Variants in DGKH observed in about 807,000 individuals in gnomAD.
DGKH encodes DAG kinase eta.
In DGKH, 90 loss-of-function variants were observed where a neutral mutation model predicts 159.3. The ratio of observed to expected loss-of-function variants is 0.57; its 90% CI spans 0.48 to 0.67. DGKH has a LOEUF of 0.67. Among genes scored for constraint, DGKH ranks in the 30% least tolerant of loss-of-function variants. The pLI is 0.00. For synonymous variants in DGKH, 536 were observed against 553.8 expected, an observed-to-expected ratio of 0.97 and a Z score of 0.45; for missense variants, 1,181 against 1,506.1, an observed-to-expected ratio of 0.78 and a Z score of 3.57.
chr13:42,248,478 TATAATATTATATATATAATTTATAA>T (rs1958597429), intron 29 of DGKH, among the ~76,000 whole-genome samples: 1 of 147,142 alleles, frequency 6.8e-6, no homozygotes, highest in Admixed American at 6.8e-5. Flanking sequence ...ATAATTTATA[TATAATATTATATATATAATTTATAA>T]TTAAATAATA....
chr13:42,208,481 A>C (rs1957560402), intron 21 of DGKH, among the ~76,000 whole-genome samples: 1 of 152,162 alleles, frequency 6.6e-6, no homozygotes, highest in African/African-American at 2.4e-5. Context: ...AAACCTTGAA[A>C]GATTTCCCTT....
intron 1 of DGKH, among the ~76,000 whole-genome samples, chr13:42,094,319 C>CTGA (rs1448614142): frequency 1.5e-4 from 23 of 152,176 alleles, no homozygotes; most frequent in Admixed American, 1.2e-3. Context: ...TTGATCAACT[C>CTGA]TGATGATACT....
chr13:42,255,204 T>C (rs950191703), intron 30 of DGKH, among the ~76,000 whole-genome samples: 3 of 151,860 alleles, frequency 2.0e-5, no homozygotes, highest in Non-Finnish European at 2.9e-5. Context: ...GCTATTAATC[T>C]TTTGTACATT....
At chr13:42,196,308 C>A (rs565855329) in intron 17 of DGKH, among the ~76,000 whole-genome samples, 1 of 152,228 alleles carries the variant, frequency 6.6e-6, no homozygotes, top group East Asian at 1.9e-4. Flanking sequence ...GGTATACACC[C>A]AAGAGAATTG....
At chr13:42,142,735 C>T (rs868021117) in intron 3 of DGKH, among the ~76,000 whole-genome samples, 24 of 152,184 alleles carry the variant, frequency 1.6e-4, no homozygotes, top group Admixed American at 5.9e-4. Context: ...GTGATTTTTG[C>T]ACATTGATTT....
At chr13:42,225,445 T>C in intron 29 of DGKH, 1 of 1,043,530 alleles carries the variant, frequency 9.6e-7, no homozygotes, top group Non-Finnish European at 1.3e-6. Flanking sequence ...TGTCAAAATT[T>C]GGACTGTTTA....
At chr13:42,053,460 A>T (rs1881484954) in intron 1 of DGKH, among the ~76,000 whole-genome samples, 1 of 147,126 alleles carries the variant, frequency 6.8e-6, no homozygotes, top group South Asian at 2.1e-4. Context: ...ATATATAACT[A>T]TATATAACTA....
intron 1 of DGKH, among the ~76,000 whole-genome samples, chr13:42,123,279 G>A (rs1418550012): frequency 1.3e-5 from 2 of 151,802 alleles, no homozygotes; most frequent in African/African-American, 4.8e-5. Flanking sequence ...AATTATACCT[G>A]TTCATATTTT....
At chr13:42,149,343 A>G (rs1350659567) in intron 3 of DGKH, among the ~76,000 whole-genome samples, 2 of 152,214 alleles carry the variant, frequency 1.3e-5, no homozygotes, top group Non-Finnish European at 2.9e-5. Flanking sequence ...TGTTGAAAGC[A>G]TAAATACAGT....
intron 5 of DGKH, among the ~76,000 whole-genome samples, chr13:42,156,506 G>C (rs920488792): frequency 6.6e-6 from 1 of 152,032 alleles, no homozygotes; most frequent in African/African-American, 2.4e-5. Context: ...CTCCCAAAGA[G>C]GCATGAGCAA....
chr13:42,163,012 CT>C (rs1410998980), intron 7 of DGKH, among the ~76,000 whole-genome samples: 6 of 145,504 alleles, frequency 4.1e-5, no homozygotes, highest in Non-Finnish European at 9.1e-5. Context: ...TCCCTCCCCC[CT>C]CCCCCAACCC....
rs1479543925 is a variant in DGKH at position 42,207,056 on chromosome 13, TC to T, written c.2601+912del. Among the ~76,000 whole-genome samples the T allele has an allele frequency of 4.7e-3, 259 of 54,686 alleles. 16 individuals carry two copies. The highest frequency in any genetic ancestry group is 7.4e-3 in the Middle Eastern group (1 of 136). 35.9% of individuals were successfully genotyped at this position (54,686 alleles called of 152,430 possible). Reference sequence around the variant, plus strand: ...TTCTTTCTTTCCTTCTTTCCTTCTTTCCTTCCTTCTTTCTTTCTTTCTTTCT... The same window carrying T: ...TTCTTTCTTTCCTTCTTTCCTTCTTTCTTCCTTCTTTCTTTCTTTCTTTCT... On this transcript the variant is annotated intron_variant, in intron 21 of 29. Coordinates refer to ENST00000337343, the MANE Select transcript of DGKH (RefSeq NM_178009.5).
chr13:42,083,014 G>GT (rs1344212558), intron 1 of DGKH, among the ~76,000 whole-genome samples: 5 of 152,112 alleles, frequency 3.3e-5, no homozygotes, highest in African/African-American at 1.2e-4. Flanking sequence ...CTCTCTTCCT[G>GT]TTTTTGGTTT....
intron 1 of DGKH, among the ~76,000 whole-genome samples, chr13:42,041,498 G>C (rs1162097368): frequency 6.6e-6 from 1 of 152,196 alleles, no homozygotes; most frequent in African/African-American, 2.4e-5. Flanking sequence ...CTGGGATTTC[G>C]CTGCACACGC....
intron 29 of DGKH, among the ~76,000 whole-genome samples, chr13:42,224,156 A>G (rs1460403701): frequency 4.6e-5 from 7 of 152,200 alleles, no homozygotes; most frequent in Admixed American, 1.3e-4. Flanking sequence ...GCAGTCATCC[A>G]TTGATGGAAA....
chr13:42,105,699 G>A (rs1170187), intron 1 of DGKH, among the ~76,000 whole-genome samples: 122,845 of 152,134 alleles, frequency 0.81, 50,120 homozygotes, highest in African/African-American at 0.89. Flanking sequence ...CCTACAAACT[G>A]GTAAGCTTTA....
At chr13:42,053,274 G>GT (rs1881455765) in intron 1 of DGKH, among the ~76,000 whole-genome samples, 1 of 150,940 alleles carries the variant, frequency 6.6e-6, no homozygotes, top group South Asian at 2.1e-4. Context: ...GTATACCTAT[G>GT]TAACAAACCT....
intron 5 of DGKH, among the ~76,000 whole-genome samples, chr13:42,158,901 A>G (rs2137969394): frequency 6.6e-6 from 1 of 152,274 alleles, no homozygotes; most frequent in South Asian, 2.1e-4. Flanking sequence ...CAGCACCTAC[A>G]TTTAAAATGG....
intron 1 of DGKH, among the ~76,000 whole-genome samples, chr13:42,112,241 G>A (rs1276521550): frequency 1.3e-5 from 2 of 148,324 alleles, no homozygotes; most frequent in African/African-American, 5.0e-5. Context: ...TTTATGTAAT[G>A]TTAAATGTCA....
Sources: gnomAD v4.1 joint callset for allele counts (sites outside exome capture counted in the v4.1 genomes callset) on GRCh38, gnomAD v4.1.1 for gene constraint, MANE v1.5 for transcripts, NCBI Gene and HGNC (gene_info 2026-07-23, HGNC 2026-07-21) for gene names.